The following MAP3K13 variants were observed in gnomAD, a reference collection of about 807,000 sequenced individuals.
MAP3K13 encodes the protein leucine zipper-bearing kinase.
MAP3K13 carries 52 observed loss-of-function variants against 104.0 expected under a neutral mutation model. The observed-to-expected ratio is 0.50, with a 90% CI of 0.40 to 0.63. The LOEUF is 0.63. Ranked by LOEUF, MAP3K13 falls within the 20% of genes least tolerant of loss-of-function variation. The pLI is 0.00. For synonymous variants in MAP3K13, 394 were observed against 442.2 expected, an observed-to-expected ratio of 0.89 and a Z score of 1.37; for missense variants, 914 against 1,218.5, an observed-to-expected ratio of 0.75 and a Z score of 3.72.
intron 2 of MAP3K13, among the ~76,000 whole-genome samples, chr3:185,350,278 C>T (rs1010457997): frequency 2.0e-5 from 3 of 152,282 alleles, no homozygotes; most frequent in South Asian, 2.1e-4. Context: ...CTCCGCCTCC[C>T]GGGTTCAAGC....
At chr3:185,390,589 C>T (rs1429995617) in intron 1 of MAP3K13, among the ~76,000 whole-genome samples, 2 of 151,286 alleles carry the variant, frequency 1.3e-5, no homozygotes, top group Non-Finnish European at 2.9e-5. Context: ...GCTTTATCTC[C>T]TAAGTTTCTT....
At chr3:185,457,604 A>T (rs1262728355) in intron 7 of MAP3K13, among the ~76,000 whole-genome samples, 4 of 152,138 alleles carry the variant, frequency 2.6e-5, no homozygotes, top group Non-Finnish European at 5.9e-5. Flanking sequence ...ACCTCCTAAT[A>T]CTGTCCCTTT....
chr3:185,477,872 C>T (rs2148928051), intron 12 of MAP3K13, among the ~76,000 whole-genome samples: 1 of 152,306 alleles, frequency 6.6e-6, no homozygotes, highest in South Asian at 2.1e-4. Context: ...GGCTTGCAGA[C>T]AGCCACCTTC....
At chr3:185,440,765 C>T in intron 3 of MAP3K13, among the ~76,000 whole-genome samples, 1 of 152,174 alleles carries the variant, frequency 6.6e-6, no homozygotes. Context: ...TCACTTACAG[C>T]AGCTGAAGAG....
chr3:185,317,243 G>A (rs957373696), intron 2 of MAP3K13, among the ~76,000 whole-genome samples: 7 of 152,120 alleles, frequency 4.6e-5, no homozygotes, highest in Admixed American at 2.0e-4. Flanking sequence ...TTGTTCTTTC[G>A]CCTTCTGAAA....
chr3:185,335,072 G>A (rs755701626), intron 2 of MAP3K13, among the ~76,000 whole-genome samples: 2 of 149,802 alleles, frequency 1.3e-5, no homozygotes, highest in African/African-American at 4.9e-5. Context: ...GTTATGCAAA[G>A]ATTTCTTGAG....
chr3:185,455,274 TGAGATATATGA>T (rs1716440612), intron 7 of MAP3K13, among the ~76,000 whole-genome samples: 3 of 37,556 alleles, frequency 8.0e-5, no homozygotes, highest in Non-Finnish European at 2.2e-4. Context: ...GAGATATATA[TGAGATATATGA>T]GATATATATA....
chr3:185,463,993 G>C (rs1423530663), intron 8 of MAP3K13, among the ~76,000 whole-genome samples: 4 of 152,140 alleles, frequency 2.6e-5, no homozygotes, highest in Non-Finnish European at 5.9e-5. Flanking sequence ...AATCTATTAA[G>C]AGATATAAGG....
At chr3:185,304,587 A>AT (rs532926549) in intron 2 of MAP3K13, among the ~76,000 whole-genome samples, 2 of 151,788 alleles carry the variant, frequency 1.3e-5, no homozygotes, top group African/African-American at 2.4e-5. Context: ...TCTCTTGACA[A>AT]TTTTTTTTAA....
At chr3:185,379,793 A>G (rs531940631) in intron 1 of MAP3K13, among the ~76,000 whole-genome samples, 1 of 152,080 alleles carries the variant, frequency 6.6e-6, no homozygotes. Flanking sequence ...AAAAACATCA[A>G]CTCTGCAAGA....
At chr3:185,467,496 A>C (rs1489954610) in intron 10 of MAP3K13, among the ~76,000 whole-genome samples, 1 of 152,196 alleles carries the variant, frequency 6.6e-6, no homozygotes, top group East Asian at 1.9e-4. Context: ...GCCATAAAGA[A>C]ATACCTGACT....
chr3:185,285,536 C>T, exon 2 of MAP3K13: 5 of 1,289,934 alleles, frequency 3.9e-6, no homozygotes, highest in Non-Finnish European at 5.4e-6. Context: ...ACACTGAAAT[C>T]TATGGACTCT....
At position 185,383,561 on chromosome 3, in the gene MAP3K13, C is replaced by CAA. The variant is rs34255859; in HGVS notation, c.-86+20210_-86+20211dup. Among the ~76,000 whole-genome samples the CAA allele has an allele frequency of 4.0e-3, 367 of 91,192 alleles. 2 individuals are homozygous for CAA. The highest frequency in any genetic ancestry group is 5.6e-3 in the Non-Finnish European group (249 of 44,402). 59.8% of individuals were successfully genotyped at this position (91,192 alleles called of 152,430 possible). On this transcript the variant is annotated intron_variant, in intron 1 of 13. Coordinates refer to ENST00000265026, the MANE Select transcript of MAP3K13 (RefSeq NM_004721.5). ...TGGGCGACAGAGTGAGACTCTGTCT[C>CAA]AAAAAAAAAAAAAAAAAAGCCTGGT...
At chr3:185,432,758 GT>G (rs1489882076) in intron 2 of MAP3K13, among the ~76,000 whole-genome samples, 2 of 152,154 alleles carry the variant, frequency 1.3e-5, no homozygotes. Context: ...TATTTAATTT[GT>G]TTTCCAACTG....
chr3:185,288,265 A>C (rs769479631), intron 2 of MAP3K13, among the ~76,000 whole-genome samples: 5 of 152,208 alleles, frequency 3.3e-5, no homozygotes, highest in South Asian at 4.1e-4. Flanking sequence ...CCTGAATGTA[A>C]AAGTTACATG....
At chr3:185,344,471 A>G (rs1025650676) in intron 2 of MAP3K13, among the ~76,000 whole-genome samples, 1 of 152,146 alleles carries the variant, frequency 6.6e-6, no homozygotes, top group South Asian at 2.1e-4. Flanking sequence ...TCTTAAACAT[A>G]TATTACCCTG....
In MAP3K13 at chr3:185,400,656, A is replaced by T. The variant is rs1712739503; in HGVS notation, c.-85-27841A>T. On this transcript the variant is annotated intron_variant, in intron 1 of 13. Transcript: ENST00000265026. ...GGCTGTGGTGAGAACTGATGTGAGG[A>T]CGTCTATAAAAGTCCTTGAATATTT... Among the ~76,000 whole-genome samples the T allele has an allele frequency of 2.0e-5, 3 of 152,194 alleles. No individual in the cohort carries two copies. In the South Asian group the frequency reaches 6.2e-4, roughly 32 times the overall value.
At chr3:185,478,794 C>T (rs137974864) in intron 12 of MAP3K13, among the ~76,000 whole-genome samples, 3 of 151,728 alleles carry the variant, frequency 2.0e-5, no homozygotes, top group African/African-American at 7.3e-5. Context: ...ATTGCTTGAA[C>T]CCAGGAGGCA....
At chr3:185,466,369 C>CTTTTTTT (rs59523963) in intron 9 of MAP3K13, among the ~76,000 whole-genome samples, 17 of 85,316 alleles carry the variant, frequency 2.0e-4, no homozygotes, top group East Asian at 4.0e-4. Flanking sequence ...TTAGTATTTC[C>CTTTTTTT]TTTTTTTTTT....
Sources: gnomAD v4.1 joint callset for allele counts (sites outside exome capture counted in the v4.1 genomes callset) on GRCh38, gnomAD v4.1.1 for gene constraint, MANE v1.5 for transcripts, NCBI Gene and HGNC (gene_info 2026-07-23, HGNC 2026-07-21) for gene names.